The following NR2C2 variants were observed in gnomAD, a reference collection of about 807,000 sequenced individuals.
NR2C2 encodes the protein nuclear receptor subfamily 2 group C member 2.
Under a neutral mutation model 62.9 loss-of-function variants are expected in NR2C2, and 6 were observed. The ratio of observed to expected loss-of-function variants is 0.10; its 90% CI spans 0.05 to 0.19. The LOEUF is 0.19. NR2C2 is among the 10% of genes least tolerant of loss of function. The pLI, the probability that NR2C2 is intolerant of heterozygous loss-of-function variation, is 1.00. For synonymous variants in NR2C2, 272 were observed against 273.8 expected, an observed-to-expected ratio of 0.99 and a Z score of 0.07; for missense variants, 479 against 762.7, an observed-to-expected ratio of 0.63 and a Z score of 4.38.
At chr3:14,954,018 C>T (rs905256427) in intron 1 of NR2C2, among the ~76,000 whole-genome samples, 33 of 151,910 alleles carry the variant, frequency 2.2e-4, no homozygotes, top group African/African-American at 7.7e-4. Context: ...GGTATTATTT[C>T]TAGAACATTT....
chr3:15,026,871 G>C (rs1026915260), intron 7 of NR2C2: 1 of 150,168 alleles, frequency 6.7e-6, no homozygotes, highest in Non-Finnish European at 1.5e-5. Flanking sequence ...AGCTAATTTT[G>C]TGTGTTTTGT....
At chr3:15,036,649 C>G (rs2042111339) in intron 11 of NR2C2, among the ~76,000 whole-genome samples, 1 of 152,054 alleles carries the variant, frequency 6.6e-6, no homozygotes, top group Non-Finnish European at 1.5e-5. Flanking sequence ...TGCCATCACA[C>G]CCAGATAATT....
intron 1 of NR2C2, among the ~76,000 whole-genome samples, chr3:14,968,335 G>T (rs2039926270): frequency 1.3e-5 from 2 of 152,234 alleles, no homozygotes; most frequent in South Asian, 2.1e-4. Flanking sequence ...GACATGAACA[G>T]ACACTTCTCA....
chr3:14,984,318 T>G (rs1188344145), intron 1 of NR2C2, among the ~76,000 whole-genome samples: 2 of 152,220 alleles, frequency 1.3e-5, no homozygotes, highest in Non-Finnish European at 2.9e-5. Context: ...TTAATTTGTC[T>G]TTATTATTTT....
chr3:14,960,348 T>A (rs1226433877), intron 1 of NR2C2, among the ~76,000 whole-genome samples: 2 of 152,206 alleles, frequency 1.3e-5, no homozygotes, highest in Non-Finnish European at 2.9e-5. Context: ...TACTGCTGCT[T>A]CTCTGTGACT....
rs953268172 is a variant in NR2C2 at position 15,001,276 on chromosome 3, T to C, written c.-39-2600T>C. Among the ~76,000 whole-genome samples, 3 of 151,286 alleles carry C rather than the reference T, an allele frequency of 2.0e-5. No homozygotes were observed. In the East Asian group the frequency reaches 5.8e-4, roughly 29 times the overall value. On this transcript the variant is annotated intron_variant, in intron 1 of 13. Transcript: ENST00000425241. ...ATTTCATTTTCAGATTGCTCATTGC[T>C]AATATATAAAAATACAATTGATTAT...
In NR2C2 at chr3:15,043,322, TAAAG is replaced by T. The variant is rs1468811018; in HGVS notation, c.*318_*321del. ...GTTTTATAATGTCAGAGACTAGTATTAAAGAAAACTGAAAGAACCTGAGAGAATA... is the reference window on the plus strand; with the variant it reads ...GTTTTATAATGTCAGAGACTAGTATTAAAACTGAAAGAACCTGAGAGAATA... On this transcript the variant is annotated 3_prime_UTR_variant, in exon 14 of 14. Transcript: ENST00000425241. The T allele has an allele frequency of 1.6e-5, 3 of 183,106 alleles. No individual in the cohort carries two copies. Among genetic ancestry groups the T allele is most frequent in the East Asian group, 1.4e-4 (1 of 7,304 alleles). The allele number at this position is 183,106 out of a possible 1,614,324, so 11.3% of individuals were successfully genotyped here.
At chr3:15,018,721 G>A (rs182071349) in intron 4 of NR2C2, among the ~76,000 whole-genome samples, 311 of 152,042 alleles carry the variant, frequency 2.0e-3, no homozygotes, top group African/African-American at 7.0e-3. Flanking sequence ...ATTTTTATGA[G>A]ATATATATTT....
At chr3:15,037,202 T>TA (rs1484958171) in intron 11 of NR2C2, among the ~76,000 whole-genome samples, 1 of 127,834 alleles carries the variant, frequency 7.8e-6, no homozygotes, top group African/African-American at 3.3e-5. Context: ...GTGTTATTGT[T>TA]TTTTGTTTGT....
At chr3:14,950,345 C>T (rs2039315941) in intron 1 of NR2C2, among the ~76,000 whole-genome samples, 1 of 152,238 alleles carries the variant, frequency 6.6e-6, no homozygotes, top group South Asian at 2.1e-4. Context: ...AACTCTCTTA[C>T]AGGCAGTATG....
intron 1 of NR2C2, among the ~76,000 whole-genome samples, chr3:14,973,177 T>G (rs191422702): frequency 2.4e-3 from 359 of 152,342 alleles, no homozygotes; most frequent in Non-Finnish European, 3.9e-3. Flanking sequence ...GCTTGTACTT[T>G]TAGTGTCATA....
At chr3:15,002,249 C>G (rs1415224334) in intron 1 of NR2C2, among the ~76,000 whole-genome samples, 1 of 151,988 alleles carries the variant, frequency 6.6e-6, no homozygotes, top group African/African-American at 2.4e-5. Context: ...GAGAACTTTC[C>G]TTTTATATCT....
intron 1 of NR2C2, among the ~76,000 whole-genome samples, chr3:15,002,686 T>G (rs2041050796): frequency 7.5e-6 from 1 of 132,954 alleles, no homozygotes; most frequent in African/African-American, 2.8e-5. Context: ...GAGACAAAGT[T>G]TCACTCTTGT....
In NR2C2 at chr3:14,955,948, C is replaced by T. The variant is rs568883186; in HGVS notation, c.-40+8042C>T. 2.0e-5 allele frequency among the ~76,000 whole-genome samples: 3 copies of T among 152,320 alleles called. No individual in the cohort carries two copies. The South Asian group carries it at 6.2e-4, about 32-fold the overall frequency. On this transcript the variant is annotated intron_variant, in intron 1 of 13. Transcript: ENST00000425241. ...TTCTCTTCCCTACTAGTCACTCACCCAGCCTTGCTACTTCTACCATATACA... is the reference window on the plus strand; with the variant it reads ...TTCTCTTCCCTACTAGTCACTCACCTAGCCTTGCTACTTCTACCATATACA...
At position 15,042,551 on chromosome 3, in the gene NR2C2, G is replaced by T. The variant is rs1175448618; in HGVS notation, c.1617-283G>T. 3 of 316,220 alleles carry T rather than the reference G, an allele frequency of 9.5e-6. No homozygotes were observed. In the East Asian group the frequency reaches 1.6e-4, roughly 17 times the overall value. 19.6% of individuals were successfully genotyped at this position (316,220 alleles called of 1,614,324 possible). ...AGACTCCTACTTTAGTCTGTCCTCT[G>T]TTGATGAATTTCCAGGTTTTCTCTT... On this transcript the variant is annotated intron_variant, in intron 13 of 13. Coordinates refer to ENST00000425241, the MANE Select transcript of NR2C2 (RefSeq NM_001291694.2).
At chr3:14,976,135 G>A (rs1488253702) in intron 1 of NR2C2, among the ~76,000 whole-genome samples, 1 of 151,986 alleles carries the variant, frequency 6.6e-6, no homozygotes, top group Non-Finnish European at 1.5e-5. Flanking sequence ...GAATTTGTCC[G>A]TTTCATCTAG....
At position 15,048,356 on chromosome 3, in the gene NR2C2, T is replaced by G; in HGVS notation, c.*5348T>G. On this transcript the variant is annotated 3_prime_UTR_variant, in exon 14 of 14. Transcript: ENST00000425241. ...GGAAACTTGACAGTCTCTAAATGAA[T>G]TAAAAGTTTCCTTTGGGGCTATTTA... The G allele has an allele frequency of 6.5e-6, 1 of 152,676 alleles. No homozygotes were observed. Among genetic ancestry groups the G allele is most frequent in the East Asian group, 1.9e-4 (1 of 5,198 alleles). 9.5% of individuals were successfully genotyped at this position (152,676 alleles called of 1,614,324 possible).
chr3:15,013,761 C>T lies in NR2C2; in HGVS notation c.245C>T (p.Ser82Leu). ...SSAKQLIFTTSDNLVPGRIQI... is the reference protein window; with the variant it reads ...SSAKQLIFTTLDNLVPGRIQI... The stretch of plus-strand genomic sequence containing the variant: ...GCCAAGCAACTCATATTCACCACCT[C>T]AGACAACCTCGTCCCTGGCAGGATC... The change falls in exon 3 of 14, where the codon TCA becomes TTA. Residue 82 changes from serine to leucine, a missense_variant. By Grantham distance (145) the Ser-to-Leu change is moderately radical. This residue lies in a region of NR2C2 where 115 missense variants were observed against 152.3 expected (regional missense o/e 0.76). Coordinates refer to ENST00000425241, the MANE Select transcript of NR2C2 (RefSeq NM_001291694.2). 6.2e-7 allele frequency: 1 copy of T among 1,614,210 alleles called. No homozygotes were observed. Among genetic ancestry groups the T allele is most frequent in the Non-Finnish European group, 8.5e-7 (1 of 1,180,026 alleles).
At chr3:14,987,864 T>C (rs556242685) in intron 1 of NR2C2, among the ~76,000 whole-genome samples, 2 of 152,344 alleles carry the variant, frequency 1.3e-5, no homozygotes, top group African/African-American at 4.8e-5. Context: ...CATATAACTT[T>C]GTGTCTTGTG....
Sources: gnomAD v4.1 joint callset for allele counts (sites outside exome capture counted in the v4.1 genomes callset) on GRCh38, gnomAD v4.1.1 for gene constraint, gnomAD v4.1.1 regional missense constraint, MANE v1.5 for transcripts, NCBI Gene and HGNC (gene_info 2026-07-23, HGNC 2026-07-21) for gene names.